Variants in WNK1 observed in about 807,000 individuals in gnomAD.
The protein encoded by WNK1 is serine/threonine-protein kinase WNK1.
In WNK1, 38 loss-of-function variants were observed where a neutral mutation model predicts 222.8. That is an observed-to-expected ratio of 0.17 (90% CI 0.13 to 0.22). WNK1 has a LOEUF of 0.22. WNK1 is among the 10% of genes least tolerant of loss of function. The probability of loss-of-function intolerance (pLI) is 1.00; values close to 1 mark genes in which losing one functional copy is unlikely to be tolerated. For missense variants in WNK1, 2,348 were observed against 2,918.4 expected, an observed-to-expected ratio of 0.80 and a Z score of 4.50; for synonymous variants, 1,090 against 1,092.9, an observed-to-expected ratio of 1.00 and a Z score of 0.05.
rs987610497 is a variant in WNK1 at position 760,373 on chromosome 12, C to T, written c.759+6049C>T. On this transcript the variant is annotated intron_variant, in intron 1 of 27. Coordinates refer to ENST00000315939, the MANE Select transcript of WNK1 (RefSeq NM_018979.4). Reference sequence around the variant, plus strand: ...ATGAAAAGGAGCACCAAGGCAGAACCCTTGAGTTCTAGATTACCCAATTTT... The same window carrying T: ...ATGAAAAGGAGCACCAAGGCAGAACTCTTGAGTTCTAGATTACCCAATTTT... 4.7e-5 allele frequency among the ~76,000 whole-genome samples: 7 copies of T among 147,426 alleles called. 1 individual carries two copies. Among genetic ancestry groups the T allele is most frequent in the Admixed American group, 4.0e-4 (6 of 14,874 alleles).
chr12:785,063 T>C (rs903464345), intron 1 of WNK1, among the ~76,000 whole-genome samples: 2 of 152,200 alleles, frequency 1.3e-5, no homozygotes, highest in Non-Finnish European at 2.9e-5. Context: ...TTTAAAGACA[T>C]TTATTCTATT....
In WNK1 at chr12:885,810, C is replaced by T; in HGVS notation, c.5006C>T (p.Ser1669Phe). 1 of 1,614,230 alleles carries T rather than the reference C, an allele frequency of 6.2e-7. No individual in the cohort carries two copies. Among genetic ancestry groups the T allele is most frequent in the Non-Finnish European group, 8.5e-7 (1 of 1,180,046 alleles). ...TCTCTGTTCAGTGAACACAGCTCATCTGGAGCTCAGCATGCCTCTGTCTCA... is the reference window on the plus strand; with the variant it reads ...TCTCTGTTCAGTGAACACAGCTCATTTGGAGCTCAGCATGCCTCTGTCTCA... The part of the protein sequence containing the change: ...LRSLFSEHSS[S>F]GAQHASVSLE... Residue 1669 changes from serine to phenylalanine, a missense_variant, in exon 19 of 28, where the codon TCT becomes TTT. Physicochemically the swap from Ser to Phe is radical, Grantham distance 155 (BLOSUM62 -2). This residue lies in a region of WNK1 where 1,144 missense variants were observed against 1,273.6 expected (regional missense o/e 0.90). Coordinates refer to ENST00000315939, the MANE Select transcript of WNK1 (RefSeq NM_018979.4).
chr12:798,308 C>T (rs1027619500), intron 1 of WNK1, among the ~76,000 whole-genome samples: 8 of 152,104 alleles, frequency 5.3e-5, no homozygotes, highest in Non-Finnish European at 8.8e-5. Flanking sequence ...TCTCCCACCT[C>T]AGCCTCCTGA....
chr12:889,989 G>A (rs1423653433), intron 21 of WNK1, among the ~76,000 whole-genome samples: 2 of 128,454 alleles, frequency 1.6e-5, no homozygotes, highest in African/African-American at 5.9e-5. Context: ...GTCTTGCGCT[G>A]TTACCCAGGC....
intron 25 of WNK1, among the ~76,000 whole-genome samples, chr12:898,560 G>GTA (rs988664762): frequency 6.0e-5 from 9 of 150,908 alleles, no homozygotes; most frequent in Admixed American, 3.3e-4. Flanking sequence ...TTGTAATGTA[G>GTA]TATATATATA....
chr12:805,238 C>G (rs1990053089), intron 1 of WNK1, among the ~76,000 whole-genome samples: 1 of 152,114 alleles, frequency 6.6e-6, no homozygotes, highest in African/African-American at 2.4e-5. Flanking sequence ...TTTACAATCA[C>G]AGCAGTGCAC....
chr12:883,266 G>T lies in WNK1; in HGVS notation c.3490-129G>T, dbSNP rs1953343277. On this transcript the variant is annotated intron_variant, in intron 15 of 27. Transcript: ENST00000315939. ...AACTAGATATTGAAGTTCTTAAAAA[G>T]AGAAGAGCTAACTTGAGTACAAAAT... The T allele has an allele frequency of 4.3e-6, 5 of 1,173,362 alleles. No homozygotes were observed. In the South Asian group the frequency reaches 5.4e-5, roughly 13 times the overall value. The allele number at this position is 1,173,362 out of a possible 1,614,324, so 72.7% of individuals were successfully genotyped here. A position where few individuals can be genotyped will look rare whatever the true frequency, so the allele number is the denominator to read the frequency against.
intron 1 of WNK1, among the ~76,000 whole-genome samples, chr12:807,684 A>G (rs1219751158): frequency 1.5e-5 from 2 of 137,064 alleles, no homozygotes; most frequent in Admixed American, 1.4e-4. Flanking sequence ...GAAGTGTAAG[A>G]TTTCCTTCCA....
chr12:803,902 T>A (rs979610719), intron 1 of WNK1, among the ~76,000 whole-genome samples: 1 of 152,188 alleles, frequency 6.6e-6, no homozygotes, highest in African/African-American at 2.4e-5. Context: ...AACCAATCCA[T>A]TGAGTGAAAT....
intron 26 of WNK1, among the ~76,000 whole-genome samples, chr12:907,008 G>A (rs1414237934): frequency 5.8e-5 from 2 of 34,398 alleles, no homozygotes; most frequent in Non-Finnish European, 5.2e-5. Context: ...GACAGAAAAA[G>A]AAGAGACCCT....
At chr12:883,624 C>T in intron 16 of WNK1, 56 bp downstream of exon 16, 1 of 1,609,994 alleles carries the variant, frequency 6.2e-7, no homozygotes, top group Non-Finnish European at 8.5e-7. Context: ...TTTCATAGTT[C>T]TAAATTTGCT....
At chr12:818,209 C>T (rs906367077) in intron 2 of WNK1, among the ~76,000 whole-genome samples, 16 of 152,110 alleles carry the variant, frequency 1.1e-4, no homozygotes, top group African/African-American at 3.9e-4. Context: ...CGTATTTTTT[C>T]TTTAATTGCA....
At chr12:870,981 A>T (rs889107693) in intron 8 of WNK1, among the ~76,000 whole-genome samples, 3 of 152,196 alleles carry the variant, frequency 2.0e-5, no homozygotes, top group Non-Finnish European at 4.4e-5. Context: ...GAATCTGACG[A>T]TTCTAGCCAG....
chr12:780,886 T>C (rs1453095130), intron 1 of WNK1, among the ~76,000 whole-genome samples: 1 of 152,214 alleles, frequency 6.6e-6, no homozygotes, highest in Non-Finnish European at 1.5e-5. Context: ...GATTTTTACC[T>C]TGGTACAGTC....
rs374359659 is a variant in WNK1, at chr12:861,359, A to T, written c.1951+16A>T. The T allele has an allele frequency of 1.1e-5, 17 of 1,612,742 alleles. No homozygotes were observed. In the African/African-American group the frequency reaches 2.0e-4, roughly 19 times the overall value. On this transcript the variant is annotated intron_variant, in intron 7 of 27. Transcript: ENST00000315939. Reference sequence around the variant, plus strand: ...TCTGTGTTATGTACGTATCTTGGGAAGTGGACAGATAGGCTAATGATTCTC... The same window carrying T: ...TCTGTGTTATGTACGTATCTTGGGATGTGGACAGATAGGCTAATGATTCTC...
intron 1 of WNK1, among the ~76,000 whole-genome samples, chr12:769,780 C>T (rs1178597192): frequency 2.0e-5 from 3 of 152,104 alleles, no homozygotes; most frequent in Non-Finnish European, 2.9e-5. Context: ...TTTATTTCCT[C>T]GCAGTTCTGT....
At position 879,804 on chromosome 12, in the gene WNK1, A is replaced by G. The variant is rs1952984054; in HGVS notation, c.2605A>G (p.Ile869Val). 5 of 1,613,866 alleles carry G rather than the reference A, an allele frequency of 3.1e-6. No individual in the cohort carries two copies. Among genetic ancestry groups the G allele is most frequent in the African/African-American group, 1.3e-5 (1 of 74,850 alleles). Residue 869 changes from isoleucine (I) to valine (V), a missense_variant, in exon 11 of 28, where the codon ATT becomes GTT. By Grantham distance (29) the Ile-to-Val change is conservative. This residue lies in a region of WNK1 where 547 missense variants were observed against 558.3 expected (regional missense o/e 0.98). Coordinates refer to ENST00000315939, the MANE Select transcript of WNK1 (RefSeq NM_018979.4). ...SSLPITMAAG[I>V]TQPLLTLASS... ...CCTTCCCATCACAATGGCAGCTGGC[A>G]TTACTCAGCCTCTGCTCACGTTGGC...
chr12:776,412 T>TGTGTGTGTGTGTG (rs1555082817), intron 1 of WNK1, among the ~76,000 whole-genome samples: 4 of 146,232 alleles, frequency 2.7e-5, no homozygotes, highest in Admixed American at 1.4e-4. Flanking sequence ...GTTTGTGTGT[T>TGTGTGTGTGTGTG]TGTGTGTGTG....
intron 4 of WNK1, among the ~76,000 whole-genome samples, chr12:834,356 C>T (rs1949025268): frequency 1.3e-5 from 2 of 152,058 alleles, no homozygotes; most frequent in South Asian, 2.1e-4. Context: ...TGTGTTTTTA[C>T]TGCTATTATA....
Sources: allele counts gnomAD v4.1 joint callset (sites outside exome capture counted in the v4.1 genomes callset), GRCh38; gene constraint gnomAD v4.1.1; regional missense constraint gnomAD v4.1.1; transcripts MANE v1.5; gene names NCBI Gene and HGNC (gene_info 2026-07-23, HGNC 2026-07-21).